The following NAV2 variants were observed in gnomAD, a reference collection of about 807,000 sequenced individuals.
NAV2 encodes the protein neuron navigator 2, also known as helicase, APC down-regulated 1.
Under a neutral mutation model 223.2 loss-of-function variants are expected in NAV2, and 54 were observed. That is an observed-to-expected ratio of 0.24 (90% CI 0.19 to 0.30). The LOEUF (loss-of-function observed/expected upper bound fraction) is 0.30. NAV2 is among the 10% of genes least tolerant of loss of function. The probability of loss-of-function intolerance (pLI) is 1.00; values close to 1 mark genes in which losing one functional copy is unlikely to be tolerated. For missense variants in NAV2, 2,806 were observed against 3,147.5 expected (o/e 0.89, Z 2.60); for synonymous variants, 1,279 against 1,239.3 (o/e 1.03, Z -0.67).
chr11:19,741,717 A>G (rs2052843046), intron 1 of NAV2, among the ~76,000 whole-genome samples: 1 of 109,966 alleles, frequency 9.1e-6, no homozygotes, highest in African/African-American at 3.5e-5. Flanking sequence ...ATATATATAT[A>G]TATATATATA....
chr11:20,091,067 C>G (rs1350940063), intron 27 of NAV2, 49 bp downstream of exon 27: 8 of 1,590,042 alleles, frequency 5.0e-6, no homozygotes, highest in African/African-American at 4.0e-5. Flanking sequence ...TATGAAGGAG[C>G]TCCCAGAGGC....
Position 19,419,545 on chromosome 11 carries a change from C to T in NAV2, c.75+68518C>T, listed in dbSNP as rs1564922338. On this transcript the variant is annotated intron_variant, in intron 1 of 37. Transcript: ENST00000360655. ...GTGGCAGGTGGGGCTTCGAGACCCGCTTCTCAGTCTGATGTGAAGACGTGG... is the reference window on the plus strand; with the variant it reads ...GTGGCAGGTGGGGCTTCGAGACCCGTTTCTCAGTCTGATGTGAAGACGTGG... 3.9e-5 allele frequency among the ~76,000 whole-genome samples: 6 copies of T among 152,254 alleles called. No homozygotes were observed. In the South Asian group the frequency reaches 1.2e-3, roughly 32 times the overall value.
rs78179403 is a variant in NAV2 at position 19,359,814 on chromosome 11, T to C, written c.75+8787T>C. Reference sequence around the variant, plus strand: ...GGGGCTCAAGATGCTGCCATGCGTGTCTCCTTGGCTGTCGGGTCACTTCTC... The same window carrying C: ...GGGGCTCAAGATGCTGCCATGCGTGCCTCCTTGGCTGTCGGGTCACTTCTC... On this transcript the variant is annotated intron_variant, in intron 1 of 37. Coordinates refer to the NAV2 transcript ENST00000360655. Among the ~76,000 whole-genome samples, 5 of 152,286 alleles carry C rather than the reference T, an allele frequency of 3.3e-5. No individual in the cohort carries two copies. The East Asian group carries it at 9.6e-4, about 29-fold the overall frequency.
At position 19,968,392 on chromosome 11, in the gene NAV2, A is replaced by AT. The variant is rs540421020; in HGVS notation, c.2646-15726dup. 3.6e-4 allele frequency among the ~76,000 whole-genome samples: 54 copies of AT among 151,920 alleles called. 2 individuals carry two copies. In the South Asian group the frequency reaches 8.3e-3, roughly 23 times the overall value. On this transcript the variant is annotated intron_variant, in intron 10 of 37. Transcript: ENST00000349880. ...CCACCACACTCAACTAATTTTTTGT[A>AT]TTTTTTTAGTAGAGACGGGGTTTCA...
At chr11:19,718,072 C>G (rs1440547514) in intron 1 of NAV2, among the ~76,000 whole-genome samples, 1 of 137,124 alleles carries the variant, frequency 7.3e-6, no homozygotes, top group Non-Finnish European at 1.5e-5. Context: ...CTTCCCAGTG[C>G]AGGAAACTGT....
At chr11:19,518,058 T>A (rs1474658701) in intron 1 of NAV2, among the ~76,000 whole-genome samples, 5 of 152,206 alleles carry the variant, frequency 3.3e-5, no homozygotes, top group African/African-American at 1.2e-4. Flanking sequence ...GACAGAGAAG[T>A]AGGGTGAATA....
intron 11 of NAV2, among the ~76,000 whole-genome samples, chr11:20,017,529 T>C (rs1267802269): frequency 6.6e-6 from 1 of 152,218 alleles, no homozygotes; most frequent in Non-Finnish European, 1.5e-5. Flanking sequence ...TTTATTTCTG[T>C]CATCACTTTC....
chr11:19,524,834 C>G (rs963036207), intron 1 of NAV2, among the ~76,000 whole-genome samples: 1 of 152,152 alleles, frequency 6.6e-6, no homozygotes, highest in African/African-American at 2.4e-5. Flanking sequence ...AGCTTCTAGG[C>G]TTTCTACAAT....
intron 1 of NAV2, among the ~76,000 whole-genome samples, chr11:19,808,258 G>A (rs886443929): frequency 3.9e-5 from 6 of 152,130 alleles, no homozygotes; most frequent in African/African-American, 1.4e-4. Context: ...TCACTGAGGG[G>A]CACCAGCTGG....
At chr11:19,744,746 A>G (rs900961985) in intron 1 of NAV2, among the ~76,000 whole-genome samples, 3 of 152,160 alleles carry the variant, frequency 2.0e-5, no homozygotes, top group African/African-American at 4.8e-5. Context: ...TCTTTACTCC[A>G]GTTGGAATTT....
intron 1 of NAV2, among the ~76,000 whole-genome samples, chr11:19,663,100 T>G (rs2048329800): frequency 6.6e-6 from 1 of 152,196 alleles, no homozygotes; most frequent in Non-Finnish European, 1.5e-5. Flanking sequence ...TTGACTCTGT[T>G]CTCATCACAT....
intron 14 of NAV2, among the ~76,000 whole-genome samples, chr11:20,046,739 T>G (rs975203759): frequency 2.0e-5 from 3 of 152,168 alleles, no homozygotes; most frequent in Non-Finnish European, 4.4e-5. Context: ...ATAAACAAAT[T>G]ATTCACTTGT....
chr11:19,708,742 T>C (rs1407945102), upstream of NAV2, among the ~76,000 whole-genome samples: 3 of 152,136 alleles, frequency 2.0e-5, no homozygotes, highest in Admixed American at 6.6e-5. Flanking sequence ...TCAGTGGACC[T>C]GAGAGCTTTG....
chr11:19,474,383 A>G (rs2702724), intron 1 of NAV2, among the ~76,000 whole-genome samples: 82,607 of 152,158 alleles, frequency 0.54, 22,413 homozygotes, highest in Admixed American at 0.58. Context: ...TATTCTCCAA[A>G]TGTTGACTGT....
chr11:19,602,472 A>G (rs1283927066), intron 1 of NAV2, among the ~76,000 whole-genome samples: 1 of 152,006 alleles, frequency 6.6e-6, no homozygotes, highest in Non-Finnish European at 1.5e-5. Context: ...TACCGCACCC[A>G]GCCACTTCTC....
At chr11:19,634,188 C>G (rs945281284) in intron 1 of NAV2, among the ~76,000 whole-genome samples, 1 of 152,244 alleles carries the variant, frequency 6.6e-6, no homozygotes, top group African/African-American at 2.4e-5. Flanking sequence ...TGCCACCACA[C>G]TGCTCTCATA....
intron 1 of NAV2, among the ~76,000 whole-genome samples, chr11:19,800,385 T>G (rs932465717): frequency 2.0e-5 from 3 of 152,314 alleles, no homozygotes; most frequent in African/African-American, 7.2e-5. Context: ...CCTGGGAACA[T>G]GTATGGGCTT....
chr11:20,080,293 G>C, intron 25 of NAV2, 84 bp downstream of exon 25: 1 of 1,317,062 alleles, frequency 7.6e-7, no homozygotes, highest in South Asian at 1.3e-5. Context: ...ATAAAGTCCA[G>C]CCCAGCTACT....
At chr11:19,549,253 G>T (rs1203092277) in intron 1 of NAV2, among the ~76,000 whole-genome samples, 1 of 152,152 alleles carries the variant, frequency 6.6e-6, no homozygotes, top group Non-Finnish European at 1.5e-5. Flanking sequence ...GCAGCCCTGG[G>T]GCTCCTACCT....
Sources: gnomAD v4.1 joint callset for allele counts (sites outside exome capture counted in the v4.1 genomes callset) on GRCh38, gnomAD v4.1.1 for gene constraint, MANE v1.5 for transcripts, NCBI Gene and HGNC (gene_info 2026-07-23, HGNC 2026-07-21) for gene names.